MAPK13: variants seen among roughly 807,000 people sequenced by gnomAD.
The protein encoded by MAPK13 is MAP kinase 13.
Under a neutral mutation model 53.5 loss-of-function variants are expected in MAPK13, and 39 were observed. The observed-to-expected ratio is 0.73, with a 90% CI of 0.56 to 0.95. The LOEUF (loss-of-function observed/expected upper bound fraction) is 0.95, where lower values mean the gene tolerates loss of function less well. Ranked by LOEUF, MAPK13 falls within the 40% of genes least tolerant of loss-of-function variation. The pLI is 0.00. For synonymous variants in MAPK13, 179 were observed against 190.9 expected (o/e 0.94, Z 0.51); for missense variants, 460 against 471.8 (o/e 0.98, Z 0.23).
In MAPK13 at chr6:36,131,395, G is replaced by A. The variant is rs754705455; in HGVS notation, c.244G>A (p.Glu82Lys). ...GCTGCTGCTGAAGCACATGCAGCAT[G>A]AGAACGTAGGTGGTGGCTGCCCCGG... ...ELLLLKHMQHENVIGLLDVFT... is the reference protein window; with the variant it reads ...ELLLLKHMQHKNVIGLLDVFT... The change falls in exon 2 of 12, where the codon GAG becomes AAG. Residue 82 changes from glutamate to lysine, a missense_variant. Coordinates refer to ENST00000211287, the MANE Select transcript of MAPK13 (RefSeq NM_002754.5). The A allele has an allele frequency of 1.9e-6, 3 of 1,612,498 alleles. No individual in the cohort carries two copies. The highest frequency in any genetic ancestry group is 2.5e-6 in the Non-Finnish European group (3 of 1,179,194).
At chr6:36,135,621 G>A in intron 3 of MAPK13, 132 bp from the exon 4 acceptor site, 1 of 599,498 alleles carries the variant, frequency 1.7e-6, no homozygotes. Flanking sequence ...GGCTGGCTGA[G>A]GTGGAGTTGA....
In MAPK13 at chr6:36,143,652, C is replaced by T. The variant is rs1481107555; in HGVS notation, c.*4279C>T. On this transcript the variant is annotated 3_prime_UTR_variant, in exon 12 of 12. Transcript: ENST00000211287. ...ATCTAATGCTGGGAGGCTCCCCTTC[C>T]TTCATTACACAGTGAACTCATGTGC... is the stretch of plus-strand genomic sequence containing the variant. 1 of 152,166 alleles carries T rather than the reference C, an allele frequency of 6.6e-6. No individual in the cohort carries two copies. Among genetic ancestry groups the T allele is most frequent in the Non-Finnish European group, 1.5e-5 (1 of 68,046 alleles). The allele number at this position is 152,166 out of a possible 1,614,324, so 9.4% of individuals were successfully genotyped here. A position where few individuals can be genotyped will look rare whatever the true frequency, so the allele number is the denominator to read the frequency against.
Position 36,136,536 on chromosome 6 carries a change from G to GT in MAPK13, c.495+6dup. 6.2e-7 allele frequency: 1 copy of GT among 1,603,230 alleles called. No individual in the cohort carries two copies. The highest frequency in any genetic ancestry group is 8.5e-7 in the Non-Finnish European group (1 of 1,174,690). Reference sequence around the variant, plus strand: ...AATGAGGACTGTGAACTGAAGGTGAGTGGGCTGCAGGCTCAGCCCAGAGGC... The same window carrying GT: ...AATGAGGACTGTGAACTGAAGGTGAGTTGGGCTGCAGGCTCAGCCCAGAGGC... On this transcript the variant is annotated splice_donor_region_variant and intron_variant, in intron 6 of 11. Transcript: ENST00000211287.
Position 36,139,587 on chromosome 6 carries a change from T to G in MAPK13, c.*214T>G. ...CTAACAGGCCACGTTAAACTGCCCA[T>G]CTGGAGAATCGCCTGCAGGTGGGGC... On this transcript the variant is annotated 3_prime_UTR_variant, in exon 12 of 12. Transcript: ENST00000211287. The G allele has an allele frequency of 1.9e-6, 1 of 539,994 alleles. No individual in the cohort carries two copies. The highest frequency in any genetic ancestry group is 2.3e-5 in the South Asian group (1 of 44,350). 33.5% of individuals were successfully genotyped at this position (539,994 alleles called of 1,614,324 possible).
chr6:36,136,869 C>T lies in MAPK13; in HGVS notation c.611-10C>T. On this transcript the variant is annotated splice_polypyrimidine_tract_variant and intron_variant, in intron 7 of 11. Coordinates refer to ENST00000211287, the MANE Select transcript of MAPK13 (RefSeq NM_002754.5). ...AGACAGTCCAGGTGACACTCTCCCTCCCTCTGCAGTGGACATCTGGTCTGT... is the reference window on the plus strand; with the variant it reads ...AGACAGTCCAGGTGACACTCTCCCTTCCTCTGCAGTGGACATCTGGTCTGT... 1 of 1,613,948 alleles carries T rather than the reference C, an allele frequency of 6.2e-7. No individual in the cohort carries two copies. The highest frequency in any genetic ancestry group is 8.5e-7 in the Non-Finnish European group (1 of 1,179,816).
chr6:36,132,545 G>A, intron 2 of MAPK13, 76 bp from the exon 3 acceptor site: 5 of 1,331,632 alleles, frequency 3.8e-6, no homozygotes, highest in South Asian at 3.5e-5. Context: ...ATGGCCCTGT[G>A]CATGGCCAGG....
chr6:36,131,142 C>A lies in MAPK13; in HGVS notation c.120-129C>A, dbSNP rs1766311484. 37 of 1,105,016 alleles carry A rather than the reference C, an allele frequency of 3.3e-5. 1 individual carries two copies. In the South Asian group the frequency reaches 5.4e-4, roughly 16 times the overall value. 68.5% of individuals were successfully genotyped at this position (1,105,016 alleles called of 1,614,324 possible). On this transcript the variant is annotated intron_variant, in intron 1 of 11. Transcript: ENST00000211287. ...CTACTCCCTGCCCTGCGTCCCGCGG[C>A]TCCCCCATATTCTAGGTGGTGGGCC... is the stretch of plus-strand genomic sequence containing the variant.
chr6:36,136,128 G>C lies in MAPK13; in HGVS notation c.447+80G>C, dbSNP rs1766412292. 5 of 1,564,996 alleles carry C rather than the reference G, an allele frequency of 3.2e-6. No individual in the cohort carries two copies. In the South Asian group the frequency reaches 5.6e-5, roughly 17 times the overall value. On this transcript the variant is annotated intron_variant, in intron 5 of 11. Coordinates refer to ENST00000211287, the MANE Select transcript of MAPK13 (RefSeq NM_002754.5). Reference sequence around the variant, plus strand: ...GGGGTTCTCTGGCAATCAAGGAGTGGGAAAGTTGGAGGGAGGGGACACTGC... The same window carrying C: ...GGGGTTCTCTGGCAATCAAGGAGTGCGAAAGTTGGAGGGAGGGGACACTGC...
At position 36,139,523 on chromosome 6, in the gene MAPK13, G is replaced by T. The variant is rs1766491891; in HGVS notation, c.*150G>T. On this transcript the variant is annotated 3_prime_UTR_variant, in exon 12 of 12. Transcript: ENST00000211287. ...GTGGGAAATGGGCCTAGTAGATGCA[G>T]AATTCAAAGATGTCGGTTGGGAGAA... The T allele has an allele frequency of 4.8e-6, 3 of 628,162 alleles. No homozygotes were observed. The highest frequency in any genetic ancestry group is 8.5e-6 in the Non-Finnish European group (3 of 354,056). The allele number at this position is 628,162 out of a possible 1,614,324, so 38.9% of individuals were successfully genotyped here.
rs1228957084 is a variant in MAPK13 at position 36,141,687 on chromosome 6, AC to A, written c.*2315del. ...ACTCCATCTCAAAAAAACAAAAAAAACAAATACCCTGAGGACACAGAGACAT... is the reference window on the plus strand; with the variant it reads ...ACTCCATCTCAAAAAAACAAAAAAAAAAATACCCTGAGGACACAGAGACAT... On this transcript the variant is annotated 3_prime_UTR_variant, in exon 12 of 12. Transcript: ENST00000211287. 1 of 152,902 alleles carries A rather than the reference AC, an allele frequency of 6.5e-6. No homozygotes were observed. The highest frequency in any genetic ancestry group is 1.5e-5 in the Non-Finnish European group (1 of 68,656). 9.5% of individuals were successfully genotyped at this position (152,902 alleles called of 1,614,324 possible). A position where few individuals can be genotyped will look rare whatever the true frequency, so the allele number is the denominator to read the frequency against.
Position 36,132,663 on chromosome 6 carries a change from C to T in MAPK13, c.292C>T (p.Arg98Cys), listed in dbSNP as rs551991367. ...TGTCTTCACCCCAGCCTCCTCCCTG[C>T]GCAACTTCTATGACTTGTGAGTTGG... is the stretch of plus-strand genomic sequence containing the variant. ...LDVFTPASSL[R>C]NFYDFYLVMP... The change falls in exon 3 of 12, where the codon CGC becomes TGC. Residue 98 changes from arginine (R) to cysteine (C), a missense_variant. Physicochemically the swap from Arg to Cys is radical, Grantham distance 180. Coordinates refer to ENST00000211287, the MANE Select transcript of MAPK13 (RefSeq NM_002754.5). 33 of 1,614,208 alleles carry T rather than the reference C, an allele frequency of 2.0e-5. No homozygotes were observed. Among genetic ancestry groups the T allele is most frequent in the Admixed American group, 5.0e-5 (3 of 60,030 alleles).
chr6:36,131,340 G>C lies in MAPK13; in HGVS notation c.189G>C (p.Glu63Asp), dbSNP rs1191833181. The C allele has an allele frequency of 6.2e-7, 1 of 1,613,962 alleles. No homozygotes were observed. ...IKKLSRPFQS[E>D]IFAKRAYREL... is the part of the protein sequence containing the mutation. Reference sequence around the variant, plus strand: ...AGCTGAGCCGACCCTTTCAGTCCGAGATCTTCGCCAAGCGCGCCTACCGGG... The same window carrying C: ...AGCTGAGCCGACCCTTTCAGTCCGACATCTTCGCCAAGCGCGCCTACCGGG... Residue 63 changes from glutamate (E) to aspartate (D), a missense_variant, in exon 2 of 12, where the codon GAG becomes GAC. Glu to Asp is a conservative substitution (Grantham distance 45, BLOSUM62 2). Coordinates refer to ENST00000211287, the MANE Select transcript of MAPK13 (RefSeq NM_002754.5).
intron 2 of MAPK13, 40 bp from the exon 3 acceptor site, chr6:36,132,581 G>A: frequency 3.8e-6 from 6 of 1,597,220 alleles, no homozygotes; most frequent in Non-Finnish European, 5.2e-6. Context: ...GGAGGAGAAG[G>A]TAGCGTCTGT....
intron 2 of MAPK13, among the ~76,000 whole-genome samples, chr6:36,131,604 C>T (rs758396681): frequency 2.6e-5 from 4 of 152,190 alleles, no homozygotes; most frequent in African/African-American, 4.8e-5. Context: ...GTATTTTTGG[C>T]AGAATGCACT....
At chr6:36,137,958 C>CAAAAAA (rs35527328) in intron 8 of MAPK13, among the ~76,000 whole-genome samples, 1 of 83,380 alleles carries the variant, frequency 1.2e-5, no homozygotes, top group African/African-American at 5.0e-5. Flanking sequence ...GACCCTGTCT[C>CAAAAAA]AAAAAAAAAA....
In MAPK13 at chr6:36,139,519, TGCA is replaced by T; in HGVS notation, c.*148_*150del. 1 of 641,870 alleles carries T rather than the reference TGCA, an allele frequency of 1.6e-6. No homozygotes were observed. 39.8% of individuals were successfully genotyped at this position (641,870 alleles called of 1,614,324 possible). ...TTATGTGGGAAATGGGCCTAGTAGA[TGCA>T]GAATTCAAAGATGTCGGTTGGGAGA... On this transcript the variant is annotated 3_prime_UTR_variant, in exon 12 of 12. Coordinates refer to ENST00000211287, the MANE Select transcript of MAPK13 (RefSeq NM_002754.5).
In MAPK13 at chr6:36,132,586, G is replaced by C. The variant is rs752427938; in HGVS notation, c.250-35G>C. On this transcript the variant is annotated intron_variant, in intron 2 of 11. Transcript: ENST00000211287. Reference sequence around the variant, plus strand: ...GGAGGAGGTGGGAGGAGAAGGTAGCGTCTGTCTAGCCCTCACAGGTGACTT... The same window carrying C: ...GGAGGAGGTGGGAGGAGAAGGTAGCCTCTGTCTAGCCCTCACAGGTGACTT... 5 of 1,605,768 alleles carry C rather than the reference G, an allele frequency of 3.1e-6. No homozygotes were observed. In the East Asian group the frequency reaches 8.9e-5, roughly 29 times the overall value.
At chr6:36,131,139 C>T (rs1766311423) in intron 1 of MAPK13, 132 bp from the exon 2 acceptor site, 3 of 1,070,778 alleles carry the variant, frequency 2.8e-6, no homozygotes, top group South Asian at 3.5e-5. Context: ...CTGCGTCCCG[C>T]GGCTCCCCCA....
Position 36,130,738 on chromosome 6 carries a change from C to CGGGT in MAPK13, c.119+38_119+39insGGTG. ...GGGCCGCTGGGGGGCGGGGGGCGGG[C>CGGGT]GCCAGGCTCTCCCCTTTCCGCCCAG... On this transcript the variant is annotated intron_variant, in intron 1 of 11. Coordinates refer to ENST00000211287, the MANE Select transcript of MAPK13 (RefSeq NM_002754.5). This position sits in a 1 kb window ranked among gnomAD's most constrained non-coding sequence, Gnocchi z 4.5. 4.0e-6 allele frequency: 2 copies of CGGGT among 500,932 alleles called. No homozygotes were observed. Among genetic ancestry groups the CGGGT allele is most frequent in the South Asian group, 2.1e-5 (1 of 47,668 alleles). 31.0% of individuals were successfully genotyped at this position (500,932 alleles called of 1,614,324 possible). A position where few individuals can be genotyped will look rare whatever the true frequency, so the allele number is the denominator to read the frequency against.
Sources: gnomAD v4.1 joint callset for allele counts (sites outside exome capture counted in the v4.1 genomes callset) on GRCh38, gnomAD v4.1.1 for gene constraint, Gnocchi (gnomAD v3.1) non-coding constraint, MANE v1.5 for transcripts, NCBI Gene and HGNC (gene_info 2026-07-23, HGNC 2026-07-21) for gene names.